CAMTA1: variants seen among roughly 807,000 people sequenced by gnomAD.
The protein encoded by CAMTA1 is calmodulin-binding transcription activator 1.
In CAMTA1, 27 loss-of-function variants were observed where a neutral mutation model predicts 170.9. The ratio of observed to expected loss-of-function variants is 0.16; its 90% CI spans 0.12 to 0.22. The LOEUF is 0.22. Ranked by LOEUF, CAMTA1 falls within the 10% of genes least tolerant of loss-of-function variation. The pLI, the probability that CAMTA1 is intolerant of heterozygous loss-of-function variation, is 1.00. For synonymous variants in CAMTA1, 833 were observed against 891.5 expected (o/e 0.93, Z 1.17); for missense variants, 1,619 against 2,217.2 (o/e 0.73, Z 5.42).
chr1:7,558,377 G>T (rs735996), intron 6 of CAMTA1, among the ~76,000 whole-genome samples: 6 of 152,220 alleles, frequency 3.9e-5, no homozygotes, highest in African/African-American at 1.4e-4. Flanking sequence ...AGCCCCTCTG[G>T]ATGGGACCCA....
chr1:6,922,137 C>T (rs1682146266), intron 3 of CAMTA1, among the ~76,000 whole-genome samples: 1 of 152,168 alleles, frequency 6.6e-6, no homozygotes, highest in African/African-American at 2.4e-5. Context: ...TCCACTATAC[C>T]TGTTTTTTTA....
rs1019562281 is a variant in CAMTA1, at chr1:7,570,195, C to T, written c.511-70205C>T. ...TCCCTGCAGGACTGGTTGCCCCTCA[C>T]GCCACCTCCTTCCTGTGATCCAATC... On this transcript the variant is annotated intron_variant, in intron 6 of 22. Transcript: ENST00000303635. This position sits in a 1 kb window ranked among gnomAD's most constrained non-coding sequence, Gnocchi z 4.3. Among the ~76,000 whole-genome samples, 2 of 152,180 alleles carry T rather than the reference C, an allele frequency of 1.3e-5. No individual in the cohort carries two copies. The highest frequency in any genetic ancestry group is 6.5e-5 in the Admixed American group (1 of 15,284).
intron 11 of CAMTA1, among the ~76,000 whole-genome samples, chr1:7,683,181 C>CA (rs34814185): frequency 0.045 from 4,025 of 89,328 alleles, 230 homozygotes; most frequent in African/African-American, 0.17. Context: ...GACTCTGTCT[C>CA]AAAAAAAAAA....
At chr1:7,461,414 A>G (rs147746010) in intron 5 of CAMTA1, among the ~76,000 whole-genome samples, 52 of 152,328 alleles carry the variant, frequency 3.4e-4, no homozygotes, top group Non-Finnish European at 5.1e-4. Flanking sequence ...GTGCTGTCCA[A>G]TGTGGTAGCC....
At chr1:7,727,183 C>T (rs1424375501) in intron 11 of CAMTA1, among the ~76,000 whole-genome samples, 2 of 143,790 alleles carry the variant, frequency 1.4e-5, no homozygotes, top group East Asian at 2.0e-4. Flanking sequence ...AGTGCAGTGG[C>T]GCGATCTCGG....
At chr1:7,533,474 G>A (rs2094514542) in intron 6 of CAMTA1, among the ~76,000 whole-genome samples, 1 of 152,232 alleles carries the variant, frequency 6.6e-6, no homozygotes, top group Admixed American at 6.5e-5. Flanking sequence ...GGGACCAAGG[G>A]CTACTCCGAA....
Position 7,402,082 on chromosome 1 carries a change from C to T in CAMTA1, c.439-65748C>T, listed in dbSNP as rs2089943146. ...TGTTAAAGATGAGTGACTAAGGCAG[C>T]AAGGGTGTCAGCACTCTGACATGAA... is the stretch of plus-strand genomic sequence containing the variant. On this transcript the variant is annotated intron_variant, in intron 5 of 22. Transcript: ENST00000303635. Among the ~76,000 whole-genome samples, 3 of 152,322 alleles carry T rather than the reference C, an allele frequency of 2.0e-5. No homozygotes were observed. In the South Asian group the frequency reaches 6.2e-4, roughly 32 times the overall value.
At chr1:7,683,175 C>T in intron 11 of CAMTA1, among the ~76,000 whole-genome samples, 2 of 121,232 alleles carry the variant, frequency 1.6e-5, no homozygotes, top group Non-Finnish European at 3.4e-5. Flanking sequence ...GAGCGAGACT[C>T]TGTCTCAAAA....
At chr1:6,876,518 G>A (rs897273443) in intron 3 of CAMTA1, among the ~76,000 whole-genome samples, 24 of 151,858 alleles carry the variant, frequency 1.6e-4, no homozygotes, top group South Asian at 4.1e-4. Context: ...GTGTGCCACC[G>A]TGCCCAACTA....
At chr1:7,725,009 C>G in intron 11 of CAMTA1, among the ~76,000 whole-genome samples, 1 of 152,128 alleles carries the variant, frequency 6.6e-6, no homozygotes, top group East Asian at 1.9e-4. Context: ...GTTCTTTGCA[C>G]TGTCTCAGAG....
chr1:7,315,456 C>A (rs192347242), intron 5 of CAMTA1, among the ~76,000 whole-genome samples: 30 of 152,334 alleles, frequency 2.0e-4, no homozygotes, highest in African/African-American at 7.2e-4. Flanking sequence ...ACTGGTTCAG[C>A]AGCTCAGGGT....
intron 6 of CAMTA1, among the ~76,000 whole-genome samples, chr1:7,607,111 AGATGGAAGGATG>A (rs1313593419): frequency 6.7e-6 from 1 of 149,974 alleles, no homozygotes; most frequent in Non-Finnish European, 1.5e-5. Context: ...GTAGGTGGGT[AGATGGAAGGATG>A]GATGGATGGA....
Position 7,216,124 on chromosome 1 carries a change from G to A in CAMTA1, c.303-33367G>A, listed in dbSNP as rs1458398228. 6.6e-6 allele frequency among the ~76,000 whole-genome samples: 1 copy of A among 152,178 alleles called. No individual in the cohort carries two copies. Among genetic ancestry groups the A allele is most frequent in the Non-Finnish European group, 1.5e-5 (1 of 68,034 alleles). ...GGCAGAAGGCGAAGGGGAAGCCCGC[G>A]TGTCCTGCGTGGCTGGAGCAGGAGG... On this transcript the variant is annotated intron_variant, in intron 4 of 22. Coordinates refer to ENST00000303635, the MANE Select transcript of CAMTA1 (RefSeq NM_015215.4). The surrounding 1 kb of genome is among the most constrained non-coding windows in gnomAD (Gnocchi z 4.0).
intron 5 of CAMTA1, among the ~76,000 whole-genome samples, chr1:7,312,831 T>G (rs1037819233): frequency 6.6e-6 from 1 of 152,232 alleles, no homozygotes; most frequent in Admixed American, 6.5e-5. Flanking sequence ...ATTTTGTGCC[T>G]TTCCTGAGCT....
rs114077595 is a variant in CAMTA1, at chr1:7,697,116, C to T, written c.2914+19383C>T. On this transcript the variant is annotated intron_variant, in intron 11 of 22. Coordinates refer to ENST00000303635, the MANE Select transcript of CAMTA1 (RefSeq NM_015215.4). ...CTCCCTCACACAGCTGCTGTGCAGG[C>T]AGGAAAGGCAAGCTCATTCGAACAG... Among the ~76,000 whole-genome samples the T allele has an allele frequency of 2.9e-3, 442 of 152,228 alleles. 2 individuals carry two copies. The highest frequency in any genetic ancestry group is 0.01 in the African/African-American group (419 of 41,540).
chr1:6,969,409 C>T (rs1464633538), intron 3 of CAMTA1, among the ~76,000 whole-genome samples: 1 of 152,156 alleles, frequency 6.6e-6, no homozygotes, highest in African/African-American at 2.4e-5. Flanking sequence ...GGTGAGGGTT[C>T]CTGGGCTCCA....
chr1:7,334,164 C>T (rs932437048), intron 5 of CAMTA1, among the ~76,000 whole-genome samples: 2 of 152,166 alleles, frequency 1.3e-5, no homozygotes, highest in African/African-American at 2.4e-5. Flanking sequence ...CACTGGTCTA[C>T]GTGGAAAGTA....
At chr1:6,877,030 C>T (rs1478788806) in intron 3 of CAMTA1, among the ~76,000 whole-genome samples, 1 of 152,278 alleles carries the variant, frequency 6.6e-6, no homozygotes, top group East Asian at 1.9e-4. Context: ...GGTGCTTCTT[C>T]GGTGCCCGCC....
At position 7,732,413 on chromosome 1, in the gene CAMTA1, A is replaced by G; in HGVS notation, c.2915-35A>G. 6.3e-7 allele frequency: 1 copy of G among 1,599,286 alleles called. No individual in the cohort carries two copies. The highest frequency in any genetic ancestry group is 2.2e-5 in the East Asian group (1 of 44,762). On this transcript the variant is annotated intron_variant, in intron 11 of 22. Coordinates refer to ENST00000303635, the MANE Select transcript of CAMTA1 (RefSeq NM_015215.4). The surrounding 1 kb of genome is among the most constrained non-coding windows in gnomAD (Gnocchi z 4.1). ...CACGTGTTGACTGCTTTTCTTCCAG[A>G]ACACAACCTCACTCTTCCTCCTGCT... is the stretch of plus-strand genomic sequence containing the variant.
Sources: gnomAD v4.1 joint callset for allele counts (sites outside exome capture counted in the v4.1 genomes callset) on GRCh38, gnomAD v4.1.1 for gene constraint, Gnocchi (gnomAD v3.1) non-coding constraint, MANE v1.5 for transcripts, NCBI Gene and HGNC (gene_info 2026-07-23, HGNC 2026-07-21) for gene names.